C15orf40: variants seen among roughly 807,000 people sequenced by gnomAD.
The protein encoded by C15orf40 is chromosome 15 open reading frame 40.
In C15orf40, 9 loss-of-function variants were observed where a neutral mutation model predicts 13.9. The ratio of observed to expected loss-of-function variants is 0.65; its 90% CI spans 0.39 to 1.13. C15orf40 has a LOEUF of 1.13. Among genes scored for constraint, C15orf40 ranks in the 50% most tolerant of loss-of-function variants. The pLI is 0.01. For missense variants in C15orf40, 225 were observed against 188.5 expected, an observed-to-expected ratio of 1.19 and a Z score of -1.13; for synonymous variants, 95 against 69.2, an observed-to-expected ratio of 1.37 and a Z score of -1.85.
At position 83,004,253 on chromosome 15, in the gene C15orf40, G is replaced by A; in HGVS notation, c.*1344C>T. 1.1e-6 allele frequency: 1 copy of A among 919,366 alleles called. No homozygotes were observed. The highest frequency in any genetic ancestry group is 1.3e-6 in the Non-Finnish European group (1 of 769,828). 57.0% of individuals were successfully genotyped at this position (919,366 alleles called of 1,614,324 possible). ...AACCTTCCAAAGCGCTGGGATTACA[G>A]GCGTGAGCCACCAAGCCCAGCTACC... On this transcript the variant is annotated 3_prime_UTR_variant, in exon 4 of 4. Coordinates refer to ENST00000304177, the MANE Select transcript of C15orf40 (RefSeq NM_144597.3).
downstream of C15orf40, chr15:82,989,149 A>G: frequency 1.2e-6 from 2 of 1,613,888 alleles, no homozygotes; most frequent in Non-Finnish European, 1.7e-6. Context: ...GAGGAATGGA[A>G]TAGCAGAGCT....
In C15orf40 at chr15:83,005,289, C is replaced by A; in HGVS notation, c.*308G>T. On this transcript the variant is annotated 3_prime_UTR_variant, in exon 4 of 4. Coordinates refer to ENST00000304177, the MANE Select transcript of C15orf40 (RefSeq NM_144597.3). ...TTTCTCAAGGATGTATTTTTTATTT[C>A]TTTTTTTTCGGGGGGAGAGAGTTTC... 1 of 998,562 alleles carries A rather than the reference C, an allele frequency of 1.0e-6. No individual in the cohort carries two copies. The highest frequency in any genetic ancestry group is 1.2e-6 in the Non-Finnish European group (1 of 831,248). The allele number at this position is 998,562 out of a possible 1,614,324, so 61.9% of individuals were successfully genotyped here. A position where few individuals can be genotyped will look rare whatever the true frequency, so the allele number is the denominator to read the frequency against.
chr15:83,007,113 G>A (rs187640165), intron 3 of C15orf40, among the ~76,000 whole-genome samples: 1 of 152,276 alleles, frequency 6.6e-6, no homozygotes, highest in East Asian at 1.9e-4. Flanking sequence ...AGCCTAGAGT[G>A]ATACCCAGGG....
intron 2 of C15orf40, among the ~76,000 whole-genome samples, chr15:83,010,036 G>A (rs1720109488): frequency 6.6e-6 from 1 of 152,124 alleles, no homozygotes; most frequent in African/African-American, 2.4e-5. Flanking sequence ...AATGGTTTTC[G>A]TGTAACTTGG....
At position 82,999,837 on chromosome 15, in the gene C15orf40, G is replaced by A. The variant is rs986730785; in HGVS notation, c.*5760C>T. 1.3e-5 allele frequency: 2 copies of A among 152,122 alleles called. No individual in the cohort carries two copies. Among genetic ancestry groups the A allele is most frequent in the African/African-American group, 2.4e-5 (1 of 41,404 alleles). The allele number at this position is 152,122 out of a possible 1,614,324, so 9.4% of individuals were successfully genotyped here. On this transcript the variant is annotated 3_prime_UTR_variant, in exon 4 of 4. Transcript: ENST00000304177. ...CTCCCCAAACTCTATCTAGGGGACCGATGGACCCTGAGGCAGACAGGATTA... is the reference window on the plus strand; with the variant it reads ...CTCCCCAAACTCTATCTAGGGGACCAATGGACCCTGAGGCAGACAGGATTA...
Position 82,999,152 on chromosome 15 carries a change from GA to G in C15orf40, c.*6444del, listed in dbSNP as rs2031292572. On this transcript the variant is annotated 3_prime_UTR_variant, in exon 4 of 4. Transcript: ENST00000304177. ...CTTGGCATCAGAGGGAGACCGTGGGGAGAGGGAGAGGGTGAGGGAGAGGGGG... is the reference window on the plus strand; with the variant it reads ...CTTGGCATCAGAGGGAGACCGTGGGGGAGGGAGAGGGTGAGGGAGAGGGGG... 3 of 80,762 alleles carry G rather than the reference GA, an allele frequency of 3.7e-5. No homozygotes were observed. The highest frequency in any genetic ancestry group is 2.2e-4 in the African/African-American group (3 of 13,908). The allele number at this position is 80,762 out of a possible 1,614,324, so 5.0% of individuals were successfully genotyped here.
downstream of C15orf40, among the ~76,000 whole-genome samples, chr15:82,993,438 A>G (rs1200053446): frequency 1.3e-5 from 2 of 152,262 alleles, no homozygotes; most frequent in Non-Finnish European, 2.9e-5. Context: ...TATGTGAATT[A>G]GCAAAGGAAA....
chr15:82,989,816 T>A, downstream of C15orf40: 1 of 1,570,458 alleles, frequency 6.4e-7, no homozygotes, highest in Non-Finnish European at 8.7e-7. Flanking sequence ...AGCACTGCTA[T>A]GGGTTTGTCA....
chr15:83,003,600 T>G lies in C15orf40; in HGVS notation c.*1997A>C, dbSNP rs1366271669. On this transcript the variant is annotated 3_prime_UTR_variant, in exon 4 of 4. Coordinates refer to ENST00000304177, the MANE Select transcript of C15orf40 (RefSeq NM_144597.3). The stretch of plus-strand genomic sequence containing the variant: ...ATTTGCAGGCAGTATATGGCACAGT[T>G]TAGAAGACAAAGCAGCTGGGCTTAA... 1.3e-5 allele frequency: 2 copies of G among 152,196 alleles called. No individual in the cohort carries two copies. The highest frequency in any genetic ancestry group is 2.9e-5 in the Non-Finnish European group (2 of 68,044). The allele number at this position is 152,196 out of a possible 1,614,324, so 9.4% of individuals were successfully genotyped here. A position where few individuals can be genotyped will look rare whatever the true frequency, so the allele number is the denominator to read the frequency against.
chr15:83,001,163 T>A lies in C15orf40; in HGVS notation c.*4434A>T. 1.0e-6 allele frequency: 1 copy of A among 985,450 alleles called. No individual in the cohort carries two copies. 61.0% of individuals were successfully genotyped at this position (985,450 alleles called of 1,614,324 possible). A position where few individuals can be genotyped will look rare whatever the true frequency, so the allele number is the denominator to read the frequency against. On this transcript the variant is annotated 3_prime_UTR_variant, in exon 4 of 4. Transcript: ENST00000304177. Reference sequence around the variant, plus strand: ...TTCATCCTCTGGTTATTGCTGTCCCTCCCCTAACCGAGAGGAAAGTGTGGA... The same window carrying A: ...TTCATCCTCTGGTTATTGCTGTCCCACCCCTAACCGAGAGGAAAGTGTGGA...
Position 83,001,406 on chromosome 15 carries a change from G to A in C15orf40, c.*4191C>T, listed in dbSNP as rs1386647695. 2 of 551,766 alleles carry A rather than the reference G, an allele frequency of 3.6e-6. No homozygotes were observed. The highest frequency in any genetic ancestry group is 4.6e-6 in the Non-Finnish European group (2 of 434,140). 34.2% of individuals were successfully genotyped at this position (551,766 alleles called of 1,614,324 possible). On this transcript the variant is annotated 3_prime_UTR_variant, in exon 4 of 4. Transcript: ENST00000304177. Reference sequence around the variant, plus strand: ...GCGGGTGATAGATGACAGATGCAGTGCTAGAACATCATATGTCGGCATAGT... The same window carrying A: ...GCGGGTGATAGATGACAGATGCAGTACTAGAACATCATATGTCGGCATAGT...
At chr15:83,010,615 C>G in intron 1 of C15orf40, 1 of 410,610 alleles carries the variant, frequency 2.4e-6, no homozygotes, top group Non-Finnish European at 4.4e-6. Context: ...GCTTCTAAAC[C>G]TTAATGCTTG....
downstream of C15orf40, chr15:82,991,892 G>C: frequency 2.3e-6 from 3 of 1,288,860 alleles, no homozygotes; most frequent in Non-Finnish European, 3.0e-6. Flanking sequence ...CTACACCCCA[G>C]AATCTTCTCT....
chr15:83,004,637 C>T lies in C15orf40; in HGVS notation c.*960G>A. The T allele has an allele frequency of 1.1e-6, 1 of 905,028 alleles. No individual in the cohort carries two copies. Among genetic ancestry groups the T allele is most frequent in the Admixed American group, 6.1e-5 (1 of 16,326 alleles). The allele number at this position is 905,028 out of a possible 1,614,324, so 56.1% of individuals were successfully genotyped here. ...TTAGAGGAAGATGAAAATTCAGTGACTTCTCAAAAATTATAATTCACATTT... is the reference window on the plus strand; with the variant it reads ...TTAGAGGAAGATGAAAATTCAGTGATTTCTCAAAAATTATAATTCACATTT... On this transcript the variant is annotated 3_prime_UTR_variant, in exon 4 of 4. Transcript: ENST00000304177.
In C15orf40 at chr15:82,997,917, A is replaced by C. The variant is rs2031188889; in HGVS notation, c.*7680T>G. 8.9e-6 allele frequency: 1 copy of C among 112,608 alleles called. No individual in the cohort carries two copies. Among genetic ancestry groups the C allele is most frequent in the Non-Finnish European group, 1.8e-5 (1 of 55,158 alleles). The allele number at this position is 112,608 out of a possible 1,614,324, so 7.0% of individuals were successfully genotyped here. A position where few individuals can be genotyped will look rare whatever the true frequency, so the allele number is the denominator to read the frequency against. ...CTTCCCAGTAGGGGCGGCCGGGCAG[A>C]GGCGCCCCTCACCTCCCAGACGGGG... On this transcript the variant is annotated 3_prime_UTR_variant, in exon 4 of 4. Transcript: ENST00000304177.
At position 83,010,571 on chromosome 15, in the gene C15orf40, G is replaced by A. The variant is rs191656026; in HGVS notation, c.112-208C>T. 478 of 516,122 alleles carry A rather than the reference G, an allele frequency of 9.3e-4. 4 individuals are homozygous for A. The highest frequency in any genetic ancestry group is 8.3e-3 in the African/African-American group (430 of 51,882). 32.0% of individuals were successfully genotyped at this position (516,122 alleles called of 1,614,324 possible). On this transcript the variant is annotated intron_variant, in intron 1 of 3. Transcript: ENST00000304177. The stretch of plus-strand genomic sequence containing the variant: ...GAAGGGTTCCCATCAACCCAACAGT[G>A]TTTTTTCCCCCCTTGCAAGAAAACC...
At chr15:82,989,200 AAAG>A, downstream of C15orf40, 1 of 1,610,424 alleles carries the variant, frequency 6.2e-7, no homozygotes, top group South Asian at 1.1e-5. Context: ...TGTGTATTCA[AAAG>A]AATAAATGCA....
downstream of C15orf40, among the ~76,000 whole-genome samples, chr15:82,994,411 C>A (rs2030972562): frequency 6.6e-6 from 1 of 152,014 alleles, no homozygotes; most frequent in African/African-American, 2.4e-5. Context: ...TAAAAATTTC[C>A]CTAGACTTCC....
At chr15:82,989,157 G>A (rs2030751341), downstream of C15orf40, 1 of 1,613,458 alleles carries the variant, frequency 6.2e-7, no homozygotes, top group Non-Finnish European at 8.5e-7. Context: ...GAATAGCAGA[G>A]CTGGTGGGAA....
Sources: allele counts gnomAD v4.1 joint callset (sites outside exome capture counted in the v4.1 genomes callset), GRCh38; gene constraint gnomAD v4.1.1; transcripts MANE v1.5; gene names NCBI Gene and HGNC (gene_info 2026-07-23, HGNC 2026-07-21).